The following DLC1 variants were observed in gnomAD, a reference collection of about 807,000 sequenced individuals.
DLC1 encodes rho GTPase-activating protein 7.
In DLC1, 54 loss-of-function variants were observed where a neutral mutation model predicts 140.3. The observed-to-expected ratio is 0.38, with a 90% CI of 0.31 to 0.48. The LOEUF (loss-of-function observed/expected upper bound fraction) is 0.48. DLC1 is among the 20% of genes least tolerant of loss of function. DLC1 has a pLI of 0.96. For missense variants in DLC1, 2,536 were observed against 1,907.0 expected (o/e 1.33, Z -6.14); for synonymous variants, 986 against 728.1 (o/e 1.35, Z -5.70).
chr8:13,365,089 C>T (rs1012600526), intron 4 of DLC1, among the ~76,000 whole-genome samples: 1 of 152,134 alleles, frequency 6.6e-6, no homozygotes. Context: ...AATCTGTATT[C>T]CCGTAGTATA....
At chr8:13,240,820 A>C (rs141311828) in intron 5 of DLC1, among the ~76,000 whole-genome samples, 1 of 152,330 alleles carries the variant, frequency 6.6e-6, no homozygotes, top group African/African-American at 2.4e-5. Context: ...ATTTTCTTTA[A>C]TTAGAAATAT....
chr8:13,522,029 A>T (rs1349417607), intron 1 of DLC1, among the ~76,000 whole-genome samples: 2 of 152,118 alleles, frequency 1.3e-5, no homozygotes, highest in Non-Finnish European at 2.9e-5. Flanking sequence ...AGAAGGGTAC[A>T]TTTGTACTTT....
At chr8:13,117,978 C>T (rs1481913000) in intron 5 of DLC1, among the ~76,000 whole-genome samples, 1 of 149,970 alleles carries the variant, frequency 6.7e-6, no homozygotes, top group African/African-American at 2.5e-5. Context: ...CACAAAAATG[C>T]ATATTCCTGT....
chr8:13,368,877 G>A (rs570160706), intron 4 of DLC1, among the ~76,000 whole-genome samples: 1 of 152,106 alleles, frequency 6.6e-6, no homozygotes, highest in Non-Finnish European at 1.5e-5. Context: ...AGGCTGGAGG[G>A]CAGCGGTGTG....
intron 4 of DLC1, among the ~76,000 whole-genome samples, chr8:13,379,616 T>A (rs1563298720): frequency 6.6e-6 from 1 of 152,214 alleles, no homozygotes; most frequent in Non-Finnish European, 1.5e-5. Flanking sequence ...GGACCCTCTT[T>A]ACTTATTGCT....
chr8:13,319,963 C>T, intron 4 of DLC1, among the ~76,000 whole-genome samples: 1 of 151,740 alleles, frequency 6.6e-6, no homozygotes, highest in Non-Finnish European at 1.5e-5. Context: ...GCTGGGGTTA[C>T]AGGTGCACGC....
chr8:13,567,732 A>C, intron 1 of DLC1: 1 of 1,552,134 alleles, frequency 6.4e-7, no homozygotes, highest in South Asian at 1.2e-5. Flanking sequence ...TTGGAGAAGC[A>C]CATCAAGACT....
At chr8:13,258,537 A>G (rs757078665) in intron 5 of DLC1, among the ~76,000 whole-genome samples, 1 of 152,210 alleles carries the variant, frequency 6.6e-6, no homozygotes, top group Admixed American at 6.5e-5. Flanking sequence ...GGGGGAATTA[A>G]GCTCACATCC....
At chr8:13,104,688 C>G (rs914888423) in intron 7 of DLC1, among the ~76,000 whole-genome samples, 2 of 152,178 alleles carry the variant, frequency 1.3e-5, no homozygotes, top group African/African-American at 4.8e-5. Context: ...TGCTGTTTGC[C>G]TAACAATGTT....
At chr8:13,121,668 C>T (rs1323425380) in intron 5 of DLC1, among the ~76,000 whole-genome samples, 1 of 152,104 alleles carries the variant, frequency 6.6e-6, no homozygotes, top group Non-Finnish European at 1.5e-5. Context: ...CCTGCCTCAG[C>T]CTCCTGAGTA....
chr8:13,523,511 A>G (rs1802820687), intron 1 of DLC1, among the ~76,000 whole-genome samples: 1 of 152,210 alleles, frequency 6.6e-6, no homozygotes, highest in African/African-American at 2.4e-5. Flanking sequence ...TCAAGTTTGG[A>G]AAAGAGATCT....
At chr8:13,089,750 T>C (rs1324695934) in intron 15 of DLC1, among the ~76,000 whole-genome samples, 1 of 152,224 alleles carries the variant, frequency 6.6e-6, no homozygotes, top group Non-Finnish European at 1.5e-5. Flanking sequence ...CATCAACATA[T>C]ACCTCCGATG....
chr8:13,384,921 A>G (rs1020666839), intron 4 of DLC1, among the ~76,000 whole-genome samples: 4 of 88,986 alleles, frequency 4.5e-5, no homozygotes, highest in African/African-American at 1.2e-4. Context: ...GGCTGGACAT[A>G]AAAAAAAAAT....
intron 14 of DLC1, 49 bp from the exon 15 acceptor site, chr8:13,090,519 A>C (rs749629585): frequency 1.9e-6 from 3 of 1,595,712 alleles, no homozygotes; most frequent in Non-Finnish European, 2.6e-6. Flanking sequence ...CCTGTACTCA[A>C]TCTCAATGCC....
At chr8:13,225,972 G>A (rs1346972955) in intron 5 of DLC1, among the ~76,000 whole-genome samples, 1 of 152,068 alleles carries the variant, frequency 6.6e-6, no homozygotes. Context: ...GACTGCAGTG[G>A]TGCAATCATG....
At position 13,096,453 on chromosome 8, in the gene DLC1, G is replaced by C. The variant is rs141958594; in HGVS notation, c.3168-1208C>G. 2.8e-3 allele frequency among the ~76,000 whole-genome samples: 422 copies of C among 152,248 alleles called. 3 individuals are homozygous for C. The highest frequency in any genetic ancestry group is 9.8e-3 in the African/African-American group (409 of 41,554). On this transcript the variant is annotated intron_variant, in intron 10 of 17. Coordinates refer to ENST00000276297, the MANE Select transcript of DLC1 (RefSeq NM_182643.3). ...TAGCTCCAGGAAAGGTAAAACGAAA[G>C]AGCAAAGTTAAGTTTGTATTTCCAT...
chr8:13,175,989 G>T (rs552564004), intron 5 of DLC1, among the ~76,000 whole-genome samples: 1 of 152,156 alleles, frequency 6.6e-6, no homozygotes, highest in Non-Finnish European at 1.5e-5. Flanking sequence ...CATCTTTATT[G>T]TAAATGGAGA....
Position 13,099,447 on chromosome 8 carries a change from G to A in DLC1, c.2890C>T (p.Leu964=), listed in dbSNP as rs548168641. The change falls in exon 9 of 18, where the codon CTG becomes TTG. Residue 964 remains leucine (L), a synonymous_variant. Transcript: ENST00000276297. ...VDNDRTTPSD[L]DSTGNSLNEP... Reference sequence around the variant, plus strand: ...TTCAGGGAGTTGCCTGTGCTGTCCAGGTCGCTGGGTGTGGTTCGGTCGTTG... The same window carrying A: ...TTCAGGGAGTTGCCTGTGCTGTCCAAGTCGCTGGGTGTGGTTCGGTCGTTG... 6.2e-7 allele frequency: 1 copy of A among 1,614,146 alleles called. No individual in the cohort carries two copies. Among genetic ancestry groups the A allele is most frequent in the African/African-American group, 1.3e-5 (1 of 75,030 alleles).
At chr8:13,370,667 C>G (rs967260381) in intron 4 of DLC1, among the ~76,000 whole-genome samples, 14 of 152,190 alleles carry the variant, frequency 9.2e-5, no homozygotes, top group African/African-American at 3.4e-4. Context: ...CAGCTAATGT[C>G]ACCAAAACAT....
Sources: gnomAD v4.1 joint callset for allele counts (sites outside exome capture counted in the v4.1 genomes callset) on GRCh38, gnomAD v4.1.1 for gene constraint, MANE v1.5 for transcripts, NCBI Gene and HGNC (gene_info 2026-07-23, HGNC 2026-07-21) for gene names.